The following ATXN10 variants were observed in gnomAD, a reference collection of about 807,000 sequenced individuals.
ATXN10 encodes the protein ataxin-10.
ATXN10 carries 28 observed loss-of-function variants against 52.9 expected under a neutral mutation model. The ratio of observed to expected loss-of-function variants is 0.53; its 90% confidence interval spans 0.39 to 0.73. ATXN10 has a LOEUF of 0.73. Ranked by LOEUF, ATXN10 falls within the 30% of genes least tolerant of loss-of-function variation. The probability of loss-of-function intolerance (pLI) is 0.00; values close to 1 mark genes in which losing one functional copy is unlikely to be tolerated. For missense variants in ATXN10, 565 were observed against 577.0 expected (o/e 0.98, Z 0.21); for synonymous variants, 226 against 221.5 (o/e 1.02, Z -0.18).
intron 9 of ATXN10, among the ~76,000 whole-genome samples, chr22:45,777,795 C>A (rs1476473180): frequency 6.6e-6 from 1 of 152,246 alleles, no homozygotes; most frequent in Non-Finnish European, 1.5e-5. Flanking sequence ...GTTCTGATTT[C>A]AAGATGCAAA....
Position 45,763,708 on chromosome 22 carries a change from C to T in ATXN10, c.1173+23170C>T, listed in dbSNP as rs1162478764. Among the ~76,000 whole-genome samples the T allele has an allele frequency of 6.6e-6, 1 of 152,218 alleles. No homozygotes were observed. The highest frequency in any genetic ancestry group is 1.5e-5 in the Non-Finnish European group (1 of 68,054). On this transcript the variant is annotated intron_variant, in intron 9 of 11. Coordinates refer to ENST00000252934, the MANE Select transcript of ATXN10 (RefSeq NM_013236.4). The surrounding 1 kb of genome is among the most constrained non-coding windows in gnomAD (Gnocchi z 6.9). ...CTTCATATGCATGCATTTACAGGCA[C>T]ATTTGTGGTTGGTTTTGTCTGCTCT...
At position 45,678,378 on chromosome 22, in the gene ATXN10, G is replaced by A. The variant is rs134864; in HGVS notation, c.116+6199G>A. 0.69 allele frequency: 105,357 copies of A among 152,024 alleles called. 36,844 individuals carry two copies. The highest frequency in any genetic ancestry group is 0.78 in the African/African-American group (32,540 of 41,458). 9.4% of individuals were successfully genotyped at this position (152,024 alleles called of 1,614,324 possible). On this transcript the variant is annotated intron_variant, in intron 1 of 11. Coordinates refer to ENST00000252934, the MANE Select transcript of ATXN10 (RefSeq NM_013236.4). The surrounding 1 kb of genome is among the most constrained non-coding windows in gnomAD (Gnocchi z 4.1). ...GTTATAAACAAATCCATAGTAAGGT[G>A]CCTCTGCATCCCTATTAGAATGGCT...
At chr22:45,832,554 T>TA (rs1204899336) in intron 10 of ATXN10, among the ~76,000 whole-genome samples, 2 of 152,268 alleles carry the variant, frequency 1.3e-5, no homozygotes, top group South Asian at 2.1e-4. Context: ...CTGCAAGTGC[T>TA]AGAATGTAAA....
In ATXN10 at chr22:45,781,045, G is replaced by A. The variant is rs1475248599; in HGVS notation, c.1174-25914G>A. ...TGCAGACCAGAAAGCCCTGAGGAAA[G>A]CTCACTCTTTCTCCCTAAAGGACCA... On this transcript the variant is annotated intron_variant, in intron 9 of 11. Coordinates refer to ENST00000252934, the MANE Select transcript of ATXN10 (RefSeq NM_013236.4). The surrounding 1 kb of genome is among the most constrained non-coding windows in gnomAD (Gnocchi z 4.2). Among the ~76,000 whole-genome samples, 1 of 152,188 alleles carries A rather than the reference G, an allele frequency of 6.6e-6. No homozygotes were observed. Among genetic ancestry groups the A allele is most frequent in the African/African-American group, 2.4e-5 (1 of 41,454 alleles).
rs779482545 is a variant in ATXN10 at position 45,843,691 on chromosome 22, C to T, written c.*20C>T. 5.6e-6 allele frequency: 9 copies of T among 1,609,468 alleles called. No homozygotes were observed. The highest frequency in any genetic ancestry group is 7.6e-6 in the Non-Finnish European group (9 of 1,176,516). Reference sequence around the variant, plus strand: ...TAGTGAATGAACTACATCCAAATACCTGAATTTTTGGAATCTGTTTCATGG... The same window carrying T: ...TAGTGAATGAACTACATCCAAATACTTGAATTTTTGGAATCTGTTTCATGG... On this transcript the variant is annotated 3_prime_UTR_variant, in exon 12 of 12. Coordinates refer to ENST00000252934, the MANE Select transcript of ATXN10 (RefSeq NM_013236.4). The surrounding 1 kb of genome is among the most constrained non-coding windows in gnomAD (Gnocchi z 4.5).
intron 9 of ATXN10, among the ~76,000 whole-genome samples, chr22:45,742,045 C>A (rs959905775): frequency 1.3e-5 from 2 of 152,188 alleles, no homozygotes; most frequent in Admixed American, 1.3e-4. Context: ...TAAATCTCTG[C>A]TAATGGCTGA....
chr22:45,735,721 G>A (rs894093182), intron 7 of ATXN10, among the ~76,000 whole-genome samples: 1 of 147,070 alleles, frequency 6.8e-6, no homozygotes, highest in Non-Finnish European at 1.5e-5. Flanking sequence ...AAATGACAGT[G>A]TTAACTGAGA....
Position 45,843,637 on chromosome 22 carries a change from A to C in ATXN10, c.1426-32A>C, listed in dbSNP as rs766523004. The C allele has an allele frequency of 4.3e-6, 7 of 1,609,336 alleles. No individual in the cohort carries two copies. The highest frequency in any genetic ancestry group is 4.5e-5 in the East Asian group (2 of 44,806). On this transcript the variant is annotated intron_variant, in intron 11 of 11. Coordinates refer to ENST00000252934, the MANE Select transcript of ATXN10 (RefSeq NM_013236.4). The surrounding 1 kb of genome is among the most constrained non-coding windows in gnomAD (Gnocchi z 4.5). ...TGAATCTTGTGAACAGATTTGCTACATCTGCAATTTTGTTTCTTTCTTCTT... is the reference window on the plus strand; with the variant it reads ...TGAATCTTGTGAACAGATTTGCTACCTCTGCAATTTTGTTTCTTTCTTCTT...
At chr22:45,698,146 C>T (rs1923694392) in intron 3 of ATXN10, among the ~76,000 whole-genome samples, 1 of 151,938 alleles carries the variant, frequency 6.6e-6, no homozygotes, top group Admixed American at 6.6e-5. Context: ...GTTTTTATTT[C>T]TTTTGGGTGT....
rs1925640571 is a variant in ATXN10 at position 45,744,112 on chromosome 22, G to A, written c.1173+3574G>A. Reference sequence around the variant, plus strand: ...ATTCATCAAATACGAATGTTTGCTGGCTTGGGGATCCTTTGACGGGTAATT... The same window carrying A: ...ATTCATCAAATACGAATGTTTGCTGACTTGGGGATCCTTTGACGGGTAATT... On this transcript the variant is annotated intron_variant, in intron 9 of 11. Coordinates refer to ENST00000252934, the MANE Select transcript of ATXN10 (RefSeq NM_013236.4). This position sits in a 1 kb window ranked among gnomAD's most constrained non-coding sequence, Gnocchi z 4.9. Among the ~76,000 whole-genome samples the A allele has an allele frequency of 6.6e-6, 1 of 152,128 alleles. No individual in the cohort carries two copies. Among genetic ancestry groups the A allele is most frequent in the Non-Finnish European group, 1.5e-5 (1 of 68,026 alleles).
At chr22:45,821,049 G>C (rs1429765318) in intron 10 of ATXN10, among the ~76,000 whole-genome samples, 1 of 152,198 alleles carries the variant, frequency 6.6e-6, no homozygotes, top group Non-Finnish European at 1.5e-5. Context: ...CATTCTCCAA[G>C]AAGCTCAGAG....
At position 45,781,075 on chromosome 22, in the gene ATXN10, G is replaced by A. The variant is rs1927133141; in HGVS notation, c.1174-25884G>A. On this transcript the variant is annotated intron_variant, in intron 9 of 11. Coordinates refer to ENST00000252934, the MANE Select transcript of ATXN10 (RefSeq NM_013236.4). The surrounding 1 kb of genome is among the most constrained non-coding windows in gnomAD (Gnocchi z 4.2). Reference sequence around the variant, plus strand: ...CTCTTTCTCCCTAAAGGACCAAGAAGGGGACAACTTAAGACAGAAAACTTT... The same window carrying A: ...CTCTTTCTCCCTAAAGGACCAAGAAAGGGACAACTTAAGACAGAAAACTTT... Among the ~76,000 whole-genome samples the A allele has an allele frequency of 5.3e-5, 8 of 152,324 alleles. No homozygotes were observed. The South Asian group carries it at 1.7e-3, about 32-fold the overall frequency.
rs1043024743 is a variant in ATXN10, at chr22:45,732,272, A to G, written c.894+2682A>G. Reference sequence around the variant, plus strand: ...AGTTGGAGACCAGCCTGGGCAACATAAGGAGACTCCATCTGTACAAAAAAA... The same window carrying G: ...AGTTGGAGACCAGCCTGGGCAACATGAGGAGACTCCATCTGTACAAAAAAA... On this transcript the variant is annotated intron_variant, in intron 7 of 11. Transcript: ENST00000252934. This position sits in a 1 kb window ranked among gnomAD's most constrained non-coding sequence, Gnocchi z 4.5. Among the ~76,000 whole-genome samples, 2 of 151,222 alleles carry G rather than the reference A, an allele frequency of 1.3e-5. No individual in the cohort carries two copies. The highest frequency in any genetic ancestry group is 2.9e-5 in the Non-Finnish European group (2 of 67,964).
At position 45,828,196 on chromosome 22, in the gene ATXN10, TTAAAAAAGAAA is replaced by T. The variant is rs1464232233; in HGVS notation, c.1238-14794_1238-14784del. Among the ~76,000 whole-genome samples the T allele has an allele frequency of 2.8e-5, 4 of 141,164 alleles. No individual in the cohort carries two copies. Among genetic ancestry groups the T allele is most frequent in the Admixed American group, 7.0e-5 (1 of 14,196 alleles). The allele number at this position is 141,164 out of a possible 152,430, so 92.6% of individuals were successfully genotyped here. A position where few individuals can be genotyped will look rare whatever the true frequency, so the allele number is the denominator to read the frequency against. On this transcript the variant is annotated intron_variant, in intron 10 of 11. Transcript: ENST00000252934. The surrounding 1 kb of genome is among the most constrained non-coding windows in gnomAD (Gnocchi z 4.5). ...TGAAGCCCCATCTCTATTAAAAACT[TTAAAAAAGAAA>T]AAAAAAAGAAGAAAAAAATATTTAG...
intron 6 of ATXN10, among the ~76,000 whole-genome samples, chr22:45,724,599 T>A (rs1924794900): frequency 6.6e-6 from 1 of 152,248 alleles, no homozygotes; most frequent in African/African-American, 2.4e-5. Context: ...TGCAAATGTT[T>A]TCTCCCATTC....
At chr22:45,798,500 AAACT>A (rs1437226533) in intron 9 of ATXN10, among the ~76,000 whole-genome samples, 3 of 152,230 alleles carry the variant, frequency 2.0e-5, no homozygotes, top group Admixed American at 6.5e-5. Flanking sequence ...AATTTGCCAC[AAACT>A]AACAGTATAA....
At chr22:45,740,679 TACACACAC>T (rs74268525) in intron 9 of ATXN10, 141 bp downstream of exon 9, 47,194 of 375,118 alleles carry the variant, frequency 0.13, 1,770 homozygotes, top group African/African-American at 0.23. Flanking sequence ...TTTATATGAA[TACACACAC>T]ACACACACAC....
Position 45,820,502 on chromosome 22 carries a change from T to G in ATXN10, c.1237+13480T>G, listed in dbSNP as rs1386689939. On this transcript the variant is annotated intron_variant, in intron 10 of 11. Transcript: ENST00000252934. The surrounding 1 kb of genome is among the most constrained non-coding windows in gnomAD (Gnocchi z 4.9). ...GCTTTTCTGCCTGGAGTTGACTGCT[T>G]CTTATGGAGTGAGATGGGGTGGCTG... Among the ~76,000 whole-genome samples, 1 of 152,158 alleles carries G rather than the reference T, an allele frequency of 6.6e-6. No individual in the cohort carries two copies. Among genetic ancestry groups the G allele is most frequent in the African/African-American group, 2.4e-5 (1 of 41,432 alleles).
intron 9 of ATXN10, among the ~76,000 whole-genome samples, chr22:45,791,333 A>G (rs1927501793): frequency 6.6e-6 from 1 of 151,988 alleles, no homozygotes; most frequent in Non-Finnish European, 1.5e-5. Flanking sequence ...ATTTTATTGA[A>G]TTTATTTTTC....
Sources: allele counts gnomAD v4.1 joint callset (sites outside exome capture counted in the v4.1 genomes callset), GRCh38; gene constraint gnomAD v4.1.1; non-coding constraint Gnocchi (gnomAD v3.1); transcripts MANE v1.5; gene names NCBI Gene and HGNC (gene_info 2026-07-23, HGNC 2026-07-21).